CGNL1: variants seen among roughly 807,000 people sequenced by gnomAD.
CGNL1 encodes cingulin like 1.
Under a neutral mutation model 141.2 loss-of-function variants are expected in CGNL1, and 132 were observed. The ratio of observed to expected loss-of-function variants is 0.93; its 90% confidence interval spans 0.81 to 1.08. CGNL1 has a LOEUF of 1.08. Ranked by LOEUF, CGNL1 falls within the 50% of genes least tolerant of loss-of-function variation. CGNL1 has a pLI of 0.00. For missense variants in CGNL1, 1,870 were observed against 1,588.6 expected (o/e 1.18, Z -3.01); for synonymous variants, 690 against 622.1 (o/e 1.11, Z -1.63).
At chr15:57,404,390 G>T (rs997970362) in intron 1 of CGNL1, among the ~76,000 whole-genome samples, 1 of 152,208 alleles carries the variant, frequency 6.6e-6, no homozygotes, top group South Asian at 2.1e-4. Flanking sequence ...ATTTTCAAGT[G>T]AAGAATGCAG....
At chr15:57,407,274 G>A (rs1294801765) in intron 1 of CGNL1, 3 of 151,960 alleles carry the variant, frequency 2.0e-5, no homozygotes, top group African/African-American at 7.2e-5. Flanking sequence ...TAAATATGAT[G>A]AGAAAAAAGA....
chr15:57,491,269 CT>C (rs1351967073), intron 8 of CGNL1, among the ~76,000 whole-genome samples: 3 of 152,134 alleles, frequency 2.0e-5, no homozygotes, highest in Admixed American at 2.0e-4. Flanking sequence ...TAATCTAAAG[CT>C]TTTCTATAGA....
intron 8 of CGNL1, among the ~76,000 whole-genome samples, chr15:57,488,644 G>C (rs1178941077): frequency 6.6e-6 from 1 of 152,194 alleles, no homozygotes; most frequent in East Asian, 1.9e-4. Flanking sequence ...CAGTCAAGCT[G>C]CATTAGTTGA....
At chr15:57,437,410 A>G (rs576891688) in intron 1 of CGNL1, among the ~76,000 whole-genome samples, 135 of 152,204 alleles carry the variant, frequency 8.9e-4, no homozygotes, top group Non-Finnish European at 1.5e-3. Flanking sequence ...AGTGTTAAAG[A>G]TTTTGCAGCA....
chr15:57,475,449 T>C (rs1219926813), intron 8 of CGNL1, among the ~76,000 whole-genome samples: 1 of 152,036 alleles, frequency 6.6e-6, no homozygotes, highest in Non-Finnish European at 1.5e-5. Flanking sequence ...AAAATGTCAA[T>C]CATGTCACTC....
At chr15:57,491,289 C>T (rs889788170) in intron 8 of CGNL1, among the ~76,000 whole-genome samples, 4 of 152,056 alleles carry the variant, frequency 2.6e-5, no homozygotes, top group African/African-American at 7.2e-5. Context: ...GATAATTTTT[C>T]GTTTAGAAAA....
intron 4 of CGNL1, 65 bp from the exon 5 acceptor site, chr15:57,451,435 G>C (rs1310971367): frequency 1.8e-6 from 2 of 1,120,664 alleles, no homozygotes; most frequent in African/African-American, 3.1e-5. Flanking sequence ...TATTTGGAGG[G>C]GGAAGATAAT....
chr15:57,512,620 T>C (rs2030412498), intron 8 of CGNL1, among the ~76,000 whole-genome samples: 2 of 152,170 alleles, frequency 1.3e-5, no homozygotes, highest in South Asian at 4.1e-4. Flanking sequence ...ATAAGCTGAG[T>C]GAAGAACTTG....
intron 1 of CGNL1, among the ~76,000 whole-genome samples, chr15:57,389,429 C>G (rs1010568194): frequency 1.3e-5 from 2 of 152,178 alleles, no homozygotes; most frequent in African/African-American, 2.4e-5. Flanking sequence ...GAATTTCATG[C>G]CTTTTGTGTT....
Position 57,550,626 on chromosome 15 carries a change from A to C in CGNL1, c.*3136A>C, listed in dbSNP as rs2033070550. ...GTTTGGTCGCTTTGGTTGTCATGAGAAAGAGACATTCTCCTTGCAGCTACC... is the reference window on the plus strand; with the variant it reads ...GTTTGGTCGCTTTGGTTGTCATGAGCAAGAGACATTCTCCTTGCAGCTACC... On this transcript the variant is annotated 3_prime_UTR_variant, in exon 19 of 19. Coordinates refer to ENST00000281282, the MANE Select transcript of CGNL1 (RefSeq NM_032866.5). 1 of 152,590 alleles carries C rather than the reference A, an allele frequency of 6.6e-6. No individual in the cohort carries two copies. Among genetic ancestry groups the C allele is most frequent in the Non-Finnish European group, 1.5e-5 (1 of 68,030 alleles). The allele number at this position is 152,590 out of a possible 1,614,324, so 9.5% of individuals were successfully genotyped here. A position where few individuals can be genotyped will look rare whatever the true frequency, so the allele number is the denominator to read the frequency against.
rs1202757800 is a variant in CGNL1 at position 57,438,026 on chromosome 15, A to G, written c.27A>G (p.Gln9=). The G allele has an allele frequency of 1.2e-6, 2 of 1,613,096 alleles. No individual in the cohort carries two copies. Among genetic ancestry groups the G allele is most frequent in the African/African-American group, 2.7e-5 (2 of 74,898 alleles). Residue 9 remains glutamine (Q), a synonymous_variant, in exon 2 of 19, where the codon CAA becomes CAG. Coordinates refer to ENST00000281282, the MANE Select transcript of CGNL1 (RefSeq NM_032866.5). ...TGGAGCTGTATTTCGGTGAATATCAACATGTGCAGCAGGAATATGGGGTCC... is the reference window on the plus strand; with the variant it reads ...TGGAGCTGTATTTCGGTGAATATCAGCATGTGCAGCAGGAATATGGGGTCC... MELYFGEY[Q]HVQQEYGVHL...
chr15:57,476,082 T>C (rs2063653027), intron 8 of CGNL1, among the ~76,000 whole-genome samples: 1 of 152,150 alleles, frequency 6.6e-6, no homozygotes, highest in Non-Finnish European at 1.5e-5. Context: ...TGGCCTCTGC[T>C]CTCAACTCTT....
At chr15:57,417,264 CAG>C (rs1469739160) in intron 1 of CGNL1, among the ~76,000 whole-genome samples, 1 of 152,008 alleles carries the variant, frequency 6.6e-6, no homozygotes, top group Non-Finnish European at 1.5e-5. Flanking sequence ...TTCTTTCTTA[CAG>C]AGTCTTACCC....
rs146953382 is a variant in CGNL1, at chr15:57,389,626, T to C, written c.-16+13059T>C. 2.3e-4 allele frequency among the ~76,000 whole-genome samples: 35 copies of C among 152,320 alleles called. No individual in the cohort carries two copies. In the East Asian group the frequency reaches 5.4e-3, roughly 24 times the overall value. On this transcript the variant is annotated intron_variant, in intron 1 of 18. Coordinates refer to ENST00000281282, the MANE Select transcript of CGNL1 (RefSeq NM_032866.5). Reference sequence around the variant, plus strand: ...CCTGTGGGCCTTGCCTGGTGCCTTATGTATAGGAGTGCTCTGTATGTGTTT... The same window carrying C: ...CCTGTGGGCCTTGCCTGGTGCCTTACGTATAGGAGTGCTCTGTATGTGTTT...
chr15:57,453,873 T>G (rs2271405), intron 7 of CGNL1, 55 bp downstream of exon 7: 1 of 1,602,398 alleles, frequency 6.2e-7, no homozygotes, highest in Non-Finnish European at 8.5e-7. Context: ...CCTGGAAAGA[T>G]GGAGTGGCTA....
chr15:57,473,032 C>G (rs964791521), intron 8 of CGNL1, among the ~76,000 whole-genome samples: 1 of 152,060 alleles, frequency 6.6e-6, no homozygotes, highest in Non-Finnish European at 1.5e-5. Flanking sequence ...GTGTGAGTAA[C>G]AAAGGAGCTA....
rs2063394114 is a variant in CGNL1 at position 57,457,512 on chromosome 15, A to G, written c.2190+3694A>G. Among the ~76,000 whole-genome samples, 3 of 152,266 alleles carry G rather than the reference A, an allele frequency of 2.0e-5. No homozygotes were observed. The South Asian group carries it at 6.2e-4, about 32-fold the overall frequency. ...GCTCTGTTTTGTTGGCATCTGTACT[A>G]GGCTGTTTTCATGCTGCTGATAAAG... On this transcript the variant is annotated intron_variant, in intron 7 of 18. Coordinates refer to ENST00000281282, the MANE Select transcript of CGNL1 (RefSeq NM_032866.5).
intron 4 of CGNL1, among the ~76,000 whole-genome samples, chr15:57,447,188 C>T (rs1233656435): frequency 6.6e-6 from 1 of 152,194 alleles, no homozygotes; most frequent in Non-Finnish European, 1.5e-5. Flanking sequence ...CATCTCTCAG[C>T]AGCGTTCCGT....
chr15:57,431,014 G>T (rs867479061), intron 1 of CGNL1, among the ~76,000 whole-genome samples: 2 of 152,204 alleles, frequency 1.3e-5, no homozygotes, highest in Non-Finnish European at 2.9e-5. Context: ...GAGCCAGTGC[G>T]CCTGGCCAAC....
Sources: gnomAD v4.1 joint callset for allele counts (sites outside exome capture counted in the v4.1 genomes callset) on GRCh38, gnomAD v4.1.1 for gene constraint, MANE v1.5 for transcripts, NCBI Gene and HGNC (gene_info 2026-07-23, HGNC 2026-07-21) for gene names.